Variants in PIAS1 observed in about 807,000 individuals in gnomAD.
The protein encoded by PIAS1 is protein inhibitor of activated STAT 1.
In PIAS1, 6 loss-of-function variants were observed where a neutral mutation model predicts 71.3. The ratio of observed to expected loss-of-function variants is 0.08; its 90% CI spans 0.05 to 0.17. PIAS1 has a LOEUF of 0.17. Ranked by LOEUF, PIAS1 falls within the 10% of genes least tolerant of loss-of-function variation. The pLI is 1.00. For synonymous variants in PIAS1, 303 were observed against 292.9 expected, an observed-to-expected ratio of 1.03 and a Z score of -0.35; for missense variants, 555 against 793.6, an observed-to-expected ratio of 0.70 and a Z score of 3.61.
chr15:68,156,280 T>C (rs2092888571), intron 7 of PIAS1, among the ~76,000 whole-genome samples: 1 of 152,084 alleles, frequency 6.6e-6, no homozygotes, highest in Non-Finnish European at 1.5e-5. Flanking sequence ...TCTGTAGAGG[T>C]ACAATAGGGG....
chr15:68,104,075 C>A (rs1276578252), intron 2 of PIAS1, among the ~76,000 whole-genome samples: 1 of 152,168 alleles, frequency 6.6e-6, no homozygotes, highest in Non-Finnish European at 1.5e-5. Flanking sequence ...ATTCGCATTT[C>A]TCTCCACATC....
chr15:68,095,751 A>G (rs2092369548), intron 2 of PIAS1, among the ~76,000 whole-genome samples: 1 of 151,964 alleles, frequency 6.6e-6, no homozygotes, highest in South Asian at 2.1e-4. Context: ...GGCTGGTCCC[A>G]AAATCTTGAG....
At chr15:68,075,116 T>C (rs1437383689) in intron 1 of PIAS1, among the ~76,000 whole-genome samples, 1 of 131,182 alleles carries the variant, frequency 7.6e-6, no homozygotes, top group African/African-American at 2.9e-5. Flanking sequence ...AGGCGGAGTC[T>C]CTCTTTTGCC....
At chr15:68,097,893 C>G (rs1234466530) in intron 2 of PIAS1, among the ~76,000 whole-genome samples, 1 of 152,112 alleles carries the variant, frequency 6.6e-6, no homozygotes, top group Non-Finnish European at 1.5e-5. Flanking sequence ...TATGCTACCT[C>G]CTAGAGGAGT....
At chr15:68,061,146 A>C (rs2091954485) in intron 1 of PIAS1, among the ~76,000 whole-genome samples, 1 of 152,174 alleles carries the variant, frequency 6.6e-6, no homozygotes, top group South Asian at 2.1e-4. Flanking sequence ...AATTGATCGT[A>C]CTCTAAATTT....
intron 3 of PIAS1, 55 bp downstream of exon 3, chr15:68,142,085 A>G (rs1190371200): frequency 8.3e-7 from 1 of 1,208,308 alleles, no homozygotes; most frequent in South Asian, 1.3e-5. Context: ...AGTAGTCTAT[A>G]ATAAATGATT....
At chr15:68,092,346 A>AT (rs2092339164) in intron 2 of PIAS1, among the ~76,000 whole-genome samples, 1 of 151,748 alleles carries the variant, frequency 6.6e-6, no homozygotes, top group South Asian at 2.1e-4. Flanking sequence ...TCATTTTTGC[A>AT]TTTTTTGTAG....
chr15:68,168,153 C>T (rs1217562595), intron 8 of PIAS1, among the ~76,000 whole-genome samples: 1 of 151,604 alleles, frequency 6.6e-6, no homozygotes, highest in African/African-American at 2.4e-5. Flanking sequence ...GTATTACAGG[C>T]GCCTGTCACC....
At chr15:68,136,064 C>T (rs1343272714) in intron 2 of PIAS1, among the ~76,000 whole-genome samples, 3 of 58,600 alleles carry the variant, frequency 5.1e-5, no homozygotes, top group South Asian at 4.3e-4. Flanking sequence ...CAGAGACGCT[C>T]CTCACTTCCC....
intron 2 of PIAS1, among the ~76,000 whole-genome samples, chr15:68,103,922 A>G (rs1453837689): frequency 6.6e-6 from 1 of 152,100 alleles, no homozygotes; most frequent in Non-Finnish European, 1.5e-5. Flanking sequence ...TTTTGTGTGG[A>G]AATATGTTTT....
In PIAS1 at chr15:68,187,888, A is replaced by G. The variant is rs372957210; in HGVS notation, c.*53A>G. ...ACCCCAGATCGAATGAACTTGGCAGAAAGAAGAGAACTTTGTGCTCTGTTT... is the reference window on the plus strand; with the variant it reads ...ACCCCAGATCGAATGAACTTGGCAGGAAGAAGAGAACTTTGTGCTCTGTTT... On this transcript the variant is annotated 3_prime_UTR_variant, in exon 14 of 14. Coordinates refer to ENST00000249636, the MANE Select transcript of PIAS1 (RefSeq NM_016166.3). The surrounding 1 kb of genome is among the most constrained non-coding windows in gnomAD (Gnocchi z 5.3). 145 of 1,510,184 alleles carry G rather than the reference A, an allele frequency of 9.6e-5. No individual in the cohort carries two copies. The East Asian group carries it at 2.2e-3, about 23-fold the overall frequency. 93.5% of individuals were successfully genotyped at this position (1,510,184 alleles called of 1,614,324 possible).
At chr15:68,090,149 G>A (rs2092320991) in intron 2 of PIAS1, among the ~76,000 whole-genome samples, 1 of 151,784 alleles carries the variant, frequency 6.6e-6, no homozygotes, top group Non-Finnish European at 1.5e-5. Context: ...CAAAGTGCTA[G>A]GATTACAGGC....
At chr15:68,143,212 C>T (rs1269926868) in intron 4 of PIAS1, among the ~76,000 whole-genome samples, 3 of 152,000 alleles carry the variant, frequency 2.0e-5, no homozygotes, top group Non-Finnish European at 4.4e-5. Context: ...AAGCTGTTTT[C>T]CCTATAATTG....
chr15:68,159,952 A>C (rs1487432022), intron 7 of PIAS1, among the ~76,000 whole-genome samples: 2 of 152,120 alleles, frequency 1.3e-5, no homozygotes, highest in African/African-American at 4.8e-5. Flanking sequence ...AATGTGTGAG[A>C]TTTCAAGTGG....
At chr15:68,118,600 CTGAGTCACT>C (rs1218589805) in intron 2 of PIAS1, among the ~76,000 whole-genome samples, 2 of 152,180 alleles carry the variant, frequency 1.3e-5, no homozygotes, top group African/African-American at 4.8e-5. Context: ...CCTCAGTCTC[CTGAGTCACT>C]GGAATTACAA....
chr15:68,188,475 C>T lies in PIAS1; in HGVS notation c.*640C>T, dbSNP rs1462889938. The T allele has an allele frequency of 6.6e-6, 1 of 152,374 alleles. No homozygotes were observed. Among genetic ancestry groups the T allele is most frequent in the Non-Finnish European group, 1.5e-5 (1 of 68,200 alleles). 9.4% of individuals were successfully genotyped at this position (152,374 alleles called of 1,614,324 possible). On this transcript the variant is annotated 3_prime_UTR_variant, in exon 14 of 14. Coordinates refer to ENST00000249636, the MANE Select transcript of PIAS1 (RefSeq NM_016166.3). ...TTTTTCTGTCATCACTGTTCCCTCT[C>T]CTCCCGAGTGTGCATTCAGTTAATA...
rs2414987 is a variant in PIAS1 at position 68,118,331 on chromosome 15, A to T, written c.470-23615A>T. On this transcript the variant is annotated intron_variant, in intron 2 of 13. Transcript: ENST00000249636. The stretch of plus-strand genomic sequence containing the variant: ...ACGAGTGTCTGTCTCAAAAAAAAAA[A>T]AAAAATAATAATAAATAAATAAAGA... Among the ~76,000 whole-genome samples, 1,287 of 150,848 alleles carry T rather than the reference A, an allele frequency of 8.5e-3. 12 individuals are homozygous for T. Among genetic ancestry groups the T allele is most frequent in the African/African-American group, 0.024 (981 of 40,538 alleles).
At chr15:68,093,241 C>G (rs1052284756) in intron 2 of PIAS1, among the ~76,000 whole-genome samples, 1 of 152,176 alleles carries the variant, frequency 6.6e-6, no homozygotes, top group Non-Finnish European at 1.5e-5. Flanking sequence ...CAGCAACTTT[C>G]TTTTTAGACT....
In PIAS1 at chr15:68,181,273, G is replaced by A; in HGVS notation, c.1543G>A (p.Asp515Asn). 1 of 1,613,592 alleles carries A rather than the reference G, an allele frequency of 6.2e-7. No homozygotes were observed. Among genetic ancestry groups the A allele is most frequent in the Non-Finnish European group, 8.5e-7 (1 of 1,179,636 alleles). The change falls in exon 12 of 14, where the codon GAC becomes AAC. Residue 515 changes from aspartate (D) to asparagine (N), a missense_variant. Transcript: ENST00000249636. Reference sequence around the variant, plus strand: ...CCGCACCCCAAGCCTTCCTGCTGTAGACACAAGCTACATTAATACCTCCCT... The same window carrying A: ...CCGCACCCCAAGCCTTCCTGCTGTAAACACAAGCTACATTAATACCTCCCT... ...VSRTPSLPAVDTSYINTSLIQ... is the reference protein window; with the variant it reads ...VSRTPSLPAVNTSYINTSLIQ...
Sources: allele counts gnomAD v4.1 joint callset (sites outside exome capture counted in the v4.1 genomes callset), GRCh38; gene constraint gnomAD v4.1.1; non-coding constraint Gnocchi (gnomAD v3.1); transcripts MANE v1.5; gene names NCBI Gene and HGNC (gene_info 2026-07-23, HGNC 2026-07-21).